Variants in ZNF496 observed in about 807,000 individuals in gnomAD.
The protein encoded by ZNF496 is zinc finger protein 496, also known as NSD1 (nuclear receptor binding SET-domain containing 1)-interacting zinc finger protein 1.
ZNF496 carries 11 observed loss-of-function variants against 58.9 expected under a neutral mutation model. The ratio of observed to expected loss-of-function variants is 0.19; its 90% CI spans 0.12 to 0.31. The LOEUF is 0.31. Ranked by LOEUF, ZNF496 falls within the 10% of genes least tolerant of loss-of-function variation. The pLI is 1.00. For synonymous variants in ZNF496, 338 were observed against 318.2 expected (o/e 1.06, Z -0.66); for missense variants, 660 against 783.0 (o/e 0.84, Z 1.88).
intron 6 of ZNF496, among the ~76,000 whole-genome samples, chr1:247,322,371 T>A (rs1272317270): frequency 6.6e-6 from 1 of 152,190 alleles, no homozygotes; most frequent in East Asian, 1.9e-4. Context: ...GACATGGTAA[T>A]AAGAGTGTCT....
At chr1:247,326,231 C>T (rs528453379) in intron 5 of ZNF496, among the ~76,000 whole-genome samples, 11 of 151,780 alleles carry the variant, frequency 7.2e-5, no homozygotes, top group Admixed American at 4.6e-4. Flanking sequence ...AGAATCACTT[C>T]GGAGAGTTGC....
At chr1:247,328,934 C>T in intron 4 of ZNF496, 68 bp from the exon 5 acceptor site, 1 of 1,519,528 alleles carries the variant, frequency 6.6e-7, no homozygotes, top group Non-Finnish European at 8.8e-7. Flanking sequence ...GCCTGGTGAC[C>T]ATCCACTCCA....
chr1:247,329,537 T>C lies in ZNF496; in HGVS notation c.42A>G (p.Glu14=), dbSNP rs749084820. 1.3e-6 allele frequency: 2 copies of C among 1,574,134 alleles called. No individual in the cohort carries two copies. Among genetic ancestry groups the C allele is most frequent in the East Asian group, 2.2e-5 (1 of 44,558 alleles). The change falls in exon 4 of 10, where the codon GAA becomes GAG. Residue 14 remains glutamate, a synonymous_variant. Coordinates refer to ENST00000682384, the MANE Select transcript of ZNF496 (RefSeq NM_032752.3). This position sits in a 1 kb window ranked among gnomAD's most constrained non-coding sequence, Gnocchi z 5.5. The part of the protein sequence containing the change: ...ALCPRVLAPK[E]SEEPRKMRSP... ...TCCTCATTTTCCTGGGCTCCTCACTTTCCTTCGGAGCCAAGACTCGGGGGC... is the reference window on the plus strand; with the variant it reads ...TCCTCATTTTCCTGGGCTCCTCACTCTCCTTCGGAGCCAAGACTCGGGGGC...
chr1:247,318,438 A>T (rs1008195061), intron 6 of ZNF496, among the ~76,000 whole-genome samples: 3 of 152,254 alleles, frequency 2.0e-5, no homozygotes, highest in African/African-American at 7.2e-5. Flanking sequence ...GACACAGCAT[A>T]ATTTAACTTC....
intron 9 of ZNF496, among the ~76,000 whole-genome samples, chr1:247,305,199 C>T (rs768710275): frequency 3.5e-4 from 54 of 152,126 alleles, no homozygotes; most frequent in Non-Finnish European, 6.3e-4. Context: ...TGCTGGAACA[C>T]GGGAGGCAGA....
Position 247,329,123 on chromosome 1 carries a change from C to T in ZNF496, c.390+66G>A. ...CTCCTCATTCCCCAGCCAGCACATG[C>T]ATGGCCCAGCCAAAGTGTCTAAGTA... On this transcript the variant is annotated intron_variant, in intron 4 of 9. Coordinates refer to ENST00000682384, the MANE Select transcript of ZNF496 (RefSeq NM_032752.3). This position sits in a 1 kb window ranked among gnomAD's most constrained non-coding sequence, Gnocchi z 5.5. 2.5e-6 allele frequency: 4 copies of T among 1,606,176 alleles called. No homozygotes were observed. Among genetic ancestry groups the T allele is most frequent in the African/African-American group, 2.7e-5 (2 of 74,882 alleles).
At position 247,302,269 on chromosome 1, in the gene ZNF496, A is replaced by T. The variant is rs1025153837; in HGVS notation, c.1007-993T>A. 7.2e-5 allele frequency among the ~76,000 whole-genome samples: 11 copies of T among 152,090 alleles called. No individual in the cohort carries two copies. In the East Asian group the frequency reaches 2.1e-3, roughly 29 times the overall value. On this transcript the variant is annotated intron_variant, in intron 9 of 9. Coordinates refer to ENST00000682384, the MANE Select transcript of ZNF496 (RefSeq NM_032752.3). Reference sequence around the variant, plus strand: ...GCTAGTCAGAGCAGCTCAGGACAGGAGAAGTTGGACAAACAGAAGCAGGGC... The same window carrying T: ...GCTAGTCAGAGCAGCTCAGGACAGGTGAAGTTGGACAAACAGAAGCAGGGC...
At chr1:247,312,522 G>A (rs1659632547) in intron 6 of ZNF496, 1 of 152,212 alleles carries the variant, frequency 6.6e-6, no homozygotes, top group African/African-American at 2.4e-5. Context: ...AGCACTCTGG[G>A]AGGCTGAGGC....
intron 5 of ZNF496, among the ~76,000 whole-genome samples, chr1:247,327,633 T>G (rs1660173233): frequency 6.6e-6 from 1 of 152,254 alleles, no homozygotes; most frequent in Non-Finnish European, 1.5e-5. Context: ...GAAGTCAATA[T>G]AGTTTTTCCA....
Position 247,308,863 on chromosome 1 carries a change from T to C in ZNF496, c.893-275A>G. The C allele has an allele frequency of 2.4e-6, 1 of 408,290 alleles. No individual in the cohort carries two copies. Among genetic ancestry groups the C allele is most frequent in the East Asian group, 5.4e-5 (1 of 18,590 alleles). 25.3% of individuals were successfully genotyped at this position (408,290 alleles called of 1,614,324 possible). ...CACTCTATGGCCAGAGACAAGCACTTCCCCCAGCCCCATATTTATTCCCAC... is the reference window on the plus strand; with the variant it reads ...CACTCTATGGCCAGAGACAAGCACTCCCCCCAGCCCCATATTTATTCCCAC... On this transcript the variant is annotated intron_variant, in intron 8 of 9. Coordinates refer to ENST00000682384, the MANE Select transcript of ZNF496 (RefSeq NM_032752.3). The surrounding 1 kb of genome is among the most constrained non-coding windows in gnomAD (Gnocchi z 4.5).
rs775913287 is a variant in ZNF496 at position 247,328,706 on chromosome 1, G to A, written c.551C>T (p.Pro184Leu). Residue 184 changes from proline (P) to leucine (L), a missense_variant, in exon 5 of 10, where the codon CCA becomes CTA. Coordinates refer to ENST00000682384, the MANE Select transcript of ZNF496 (RefSeq NM_032752.3). Reference sequence around the variant, plus strand: ...ACCTGGGTCCCCGCTGAGCTGGCTTGGTGGTCTGCTTGGGAGCCCCAGGCA... The same window carrying A: ...ACCTGGGTCCCCGCTGAGCTGGCTTAGTGGTCTGCTTGGGAGCCCCAGGCA... ...AQCLGLPSRP[P>L]SQLSGDPVLQ... 6 of 1,600,650 alleles carry A rather than the reference G, an allele frequency of 3.7e-6. No homozygotes were observed. The highest frequency in any genetic ancestry group is 2.2e-5 in the South Asian group (2 of 88,994).
chr1:247,307,816 G>A (rs2103019242), intron 9 of ZNF496: 3 of 985,428 alleles, frequency 3.0e-6, no homozygotes, highest in South Asian at 9.4e-5. Flanking sequence ...CTTGGGTTTT[G>A]TATTGAGAAG....
intron 5 of ZNF496, among the ~76,000 whole-genome samples, chr1:247,325,015 C>T (rs569965310): frequency 3.9e-5 from 6 of 152,374 alleles, no homozygotes; most frequent in South Asian, 2.1e-4. Flanking sequence ...TCAAAAGGTA[C>T]TCCTTTCTCA....
At chr1:247,321,635 A>G (rs1003603812) in intron 6 of ZNF496, among the ~76,000 whole-genome samples, 1 of 152,238 alleles carries the variant, frequency 6.6e-6, no homozygotes, top group African/African-American at 2.4e-5. Flanking sequence ...TATCAGAGTA[A>G]TACAACAGTA....
chr1:247,311,712 T>C (rs1659609094), intron 6 of ZNF496: 1 of 22,712 alleles, frequency 4.4e-5, no homozygotes, highest in Non-Finnish European at 1.7e-4. Flanking sequence ...GGGCAGGAGT[T>C]GAGTCCCCAA....
At chr1:247,328,354 C>A (rs992266485) in intron 5 of ZNF496, among the ~76,000 whole-genome samples, 1 of 152,174 alleles carries the variant, frequency 6.6e-6, no homozygotes, top group Non-Finnish European at 1.5e-5. Context: ...CAGCTGTACA[C>A]TGGCAGTCCC....
At position 247,326,083 on chromosome 1, in the gene ZNF496, CATAT is replaced by C. The variant is rs199857561; in HGVS notation, c.574+2596_574+2599del. Among the ~76,000 whole-genome samples, 1,311 of 148,430 alleles carry C rather than the reference CATAT, an allele frequency of 8.8e-3. 19 individuals carry two copies. Among genetic ancestry groups the C allele is most frequent in the Non-Finnish European group, 0.01 (706 of 67,632 alleles). On this transcript the variant is annotated intron_variant, in intron 5 of 9. Coordinates refer to ENST00000682384, the MANE Select transcript of ZNF496 (RefSeq NM_032752.3). Reference sequence around the variant, plus strand: ...ACACACATATATACACACACACACACATATATACACACACATATATATACACACA... The same window carrying C: ...ACACACATATATACACACACACACACATACACACACATATATATACACACA...
chr1:247,307,808 T>C (rs1659464373), intron 9 of ZNF496: 1 of 985,252 alleles, frequency 1.0e-6, no homozygotes, highest in Non-Finnish European at 1.2e-6. Flanking sequence ...ATCAGAGGCT[T>C]GGGTTTTGTA....
intron 5 of ZNF496, among the ~76,000 whole-genome samples, chr1:247,324,459 C>G (rs1660059592): frequency 6.6e-6 from 1 of 151,916 alleles, no homozygotes; most frequent in Non-Finnish European, 1.5e-5. Flanking sequence ...GAGGGTAGAT[C>G]TGAAGTATTT....
Sources: gnomAD v4.1 joint callset for allele counts (sites outside exome capture counted in the v4.1 genomes callset) on GRCh38, gnomAD v4.1.1 for gene constraint, Gnocchi (gnomAD v3.1) non-coding constraint, MANE v1.5 for transcripts, NCBI Gene and HGNC (gene_info 2026-07-23, HGNC 2026-07-21) for gene names.